VLDLR: variants seen among roughly 807,000 people sequenced by gnomAD.
VLDLR encodes the protein very low density lipoprotein receptor, also known as very low-density lipoprotein receptor.
A neutral mutation model predicts 112.7 loss-of-function variants in VLDLR; 81 were observed. The observed-to-expected ratio is 0.72, with a 90% CI of 0.60 to 0.86. VLDLR has a LOEUF of 0.86. Among genes scored for constraint, VLDLR ranks in the 40% least tolerant of loss-of-function variants. VLDLR has a pLI of 0.00. For synonymous variants in VLDLR, 436 were observed against 384.8 expected, an observed-to-expected ratio of 1.13 and a Z score of -1.56; for missense variants, 1,237 against 1,099.4, an observed-to-expected ratio of 1.13 and a Z score of -1.77.
At chr9:2,652,119 C>G (rs1818377562) in intron 17 of VLDLR, among the ~76,000 whole-genome samples, 165 bp downstream of exon 17, 1 of 152,166 alleles carries the variant, frequency 6.6e-6, no homozygotes, top group African/African-American at 2.4e-5. Context: ...AAATTAAGGC[C>G]CATATCTTTC....
intron 14 of VLDLR, among the ~76,000 whole-genome samples, chr9:2,649,196 C>G (rs1010178377): frequency 2.0e-4 from 30 of 152,234 alleles, no homozygotes; most frequent in African/African-American, 7.0e-4. Flanking sequence ...TCTTAAACAA[C>G]AGAAATTTAT....
chr9:2,632,732 G>A (rs1473211646), intron 1 of VLDLR, among the ~76,000 whole-genome samples: 2 of 152,038 alleles, frequency 1.3e-5, no homozygotes, highest in African/African-American at 4.8e-5. Flanking sequence ...CCAGTCAGGT[G>A]GCTAAGGGCT....
intron 1 of VLDLR, among the ~76,000 whole-genome samples, chr9:2,625,798 T>C (rs1022110432): frequency 1.3e-5 from 2 of 152,236 alleles, no homozygotes; most frequent in Non-Finnish European, 2.9e-5. Flanking sequence ...GGGCGAGATA[T>C]ACTTGTTAAG....
chr9:2,623,803 G>T (rs35731071), intron 1 of VLDLR, among the ~76,000 whole-genome samples: 123 of 152,270 alleles, frequency 8.1e-4, no homozygotes, highest in African/African-American at 2.8e-3. Context: ...TGAAGAGGAC[G>T]AATGTGTAGT....
chr9:2,639,987 T>G lies in VLDLR; in HGVS notation c.325+6T>G. On this transcript the variant is annotated splice_donor_region_variant and intron_variant, in intron 3 of 18. Transcript: ENST00000382100. ...TGAAAGCCCAGAACAGTGCCGTGAG[T>G]GTAACTTGCTTTGGCCTTGAACTTT... 6.2e-7 allele frequency: 1 copy of G among 1,614,160 alleles called. No homozygotes were observed. The highest frequency in any genetic ancestry group is 8.5e-7 in the Non-Finnish European group (1 of 1,180,018).
Position 2,643,882 on chromosome 9 carries a change from A to G in VLDLR, c.989A>G (p.Glu330Gly). The change falls in exon 7 of 19, where the codon GAA (glutamate) becomes GGA (glycine). Residue 330 changes from glutamate to glycine, a missense_variant. By Grantham distance (98) the Glu-to-Gly change is moderately conservative. Coordinates refer to ENST00000382100, the MANE Select transcript of VLDLR (RefSeq NM_003383.5). ...GGAAAATTCAAGTGCAGAAGTGGAG[A>G]ATGCATAGATATCAGCAAAGTATGT... is the stretch of plus-strand genomic sequence containing the variant. ...GPGKFKCRSG[E>G]CIDISKVCNQ... 2.5e-6 allele frequency: 4 copies of G among 1,614,146 alleles called. No individual in the cohort carries two copies. The highest frequency in any genetic ancestry group is 3.4e-6 in the Non-Finnish European group (4 of 1,180,038).
chr9:2,630,006 C>G lies in VLDLR; in HGVS notation c.83-5447C>G, dbSNP rs1042104763. ...ACTGGGTTTCACCATGTTGACCAGG[C>G]TGGTCTTGAACCCCTGACCTCAGGT... On this transcript the variant is annotated intron_variant, in intron 1 of 18. Transcript: ENST00000382100. Among the ~76,000 whole-genome samples, 4 of 152,170 alleles carry G rather than the reference C, an allele frequency of 2.6e-5. No individual in the cohort carries two copies. The East Asian group carries it at 5.8e-4, about 22-fold the overall frequency.
chr9:2,640,058 C>T, intron 3 of VLDLR, 77 bp downstream of exon 3: 1 of 1,611,262 alleles, frequency 6.2e-7, no homozygotes, highest in South Asian at 1.1e-5. Flanking sequence ...GCTTAATCTC[C>T]TACTTGGTAT....
rs1818270806 is a variant in VLDLR at position 2,650,429 on chromosome 9, G to T, written c.2164G>T (p.Ala722Ser). The T allele has an allele frequency of 6.2e-7, 1 of 1,613,980 alleles. No homozygotes were observed. Among genetic ancestry groups the T allele is most frequent in the African/African-American group, 1.3e-5 (1 of 74,906 alleles). Reference protein sequence around the residue: ...NGGCEYLCLPAPQINDHSPKY... With the variant: ...NGGCEYLCLPSPQINDHSPKY... Reference sequence around the variant, plus strand: ...AGGATGTGAATACCTATGCCTGCCAGCACCACAGATTAATGATCACTCTCC... The same window carrying T: ...AGGATGTGAATACCTATGCCTGCCATCACCACAGATTAATGATCACTCTCC... The change falls in exon 15 of 19, where the codon GCA (alanine) becomes TCA (serine). Residue 722 changes from alanine (A) to serine (S), a missense_variant. Ala to Ser is a moderately conservative substitution (Grantham distance 99). Transcript: ENST00000382100.
At chr9:2,637,139 A>G (rs1236838642) in intron 2 of VLDLR, among the ~76,000 whole-genome samples, 1 of 152,216 alleles carries the variant, frequency 6.6e-6, no homozygotes, top group East Asian at 1.9e-4. Flanking sequence ...GACAGTAGAG[A>G]AAGAAAGTAG....
At position 2,621,831 on chromosome 9, in the gene VLDLR, C is replaced by G; in HGVS notation, c.-359C>G. On this transcript the variant is annotated 5_prime_UTR_variant, in exon 1 of 19. Transcript: ENST00000382100. ...GCCGGTGCGGGTGCTCCGCTACCGG[C>G]TCCTCTCCGTTCTGTGCTCTCTTCT... 1.9e-6 allele frequency: 1 copy of G among 518,114 alleles called. No homozygotes were observed. The highest frequency in any genetic ancestry group is 2.3e-5 in the Admixed American group (1 of 42,932). The allele number at this position is 518,114 out of a possible 1,614,324, so 32.1% of individuals were successfully genotyped here. A position where few individuals can be genotyped will look rare whatever the true frequency, so the allele number is the denominator to read the frequency against.
chr9:2,627,021 A>G (rs1482711851), intron 1 of VLDLR, among the ~76,000 whole-genome samples: 2 of 152,148 alleles, frequency 1.3e-5, no homozygotes, highest in African/African-American at 4.8e-5. Flanking sequence ...TCTACTGAGT[A>G]CCTACCATAT....
chr9:2,636,297 G>A (rs1006625099), intron 2 of VLDLR, among the ~76,000 whole-genome samples: 1 of 152,168 alleles, frequency 6.6e-6, no homozygotes, highest in East Asian at 1.9e-4. Context: ...GTTCAGGGTT[G>A]TAAACATTCT....
chr9:2,652,637 A>T, intron 17 of VLDLR, 143 bp from the exon 18 acceptor site: 3 of 1,146,446 alleles, frequency 2.6e-6, no homozygotes, highest in East Asian at 2.6e-5. Context: ...GCCCATGTGT[A>T]TTCCAACTTC....
intron 2 of VLDLR, among the ~76,000 whole-genome samples, chr9:2,637,155 T>C (rs1214150454): frequency 1.3e-5 from 2 of 152,188 alleles, no homozygotes; most frequent in African/African-American, 2.4e-5. Flanking sequence ...AGTAGAAATA[T>C]TACAATCAGG....
At chr9:2,633,051 A>AGAGAGAGAGAGAGAGTGTGTGTGTGTGT (rs1460780869) in intron 1 of VLDLR, among the ~76,000 whole-genome samples, 3 of 115,402 alleles carry the variant, frequency 2.6e-5, no homozygotes, top group African/African-American at 1.0e-4. Context: ...AGAGAGAGAG[A>AGAGAGAGAGAGAGAGTGTGTGTGTGTGT]GTGTGTGTGT....
chr9:2,643,383 G>A lies in VLDLR; in HGVS notation c.672G>A (p.Glu224=), dbSNP rs762512932. The change falls in exon 5 of 19, where the codon GAG becomes GAA. Residue 224 remains glutamate, a synonymous_variant. Coordinates refer to ENST00000382100, the MANE Select transcript of VLDLR (RefSeq NM_003383.5). ...DDADCSDQSD[E]SLEQCGRQPV... is the part of the protein sequence containing the mutation. ...CAGACTGCTCCGACCAATCTGATGA[G>A]TCCCTGGAGCAGTGTGGCCGTCAGC... 3.1e-6 allele frequency: 5 copies of A among 1,614,178 alleles called. No individual in the cohort carries two copies. In the Admixed American group the frequency reaches 8.3e-5, roughly 27 times the overall value.
intron 1 of VLDLR, among the ~76,000 whole-genome samples, chr9:2,628,597 T>C (rs553498703): frequency 8.5e-5 from 13 of 152,274 alleles, no homozygotes; most frequent in African/African-American, 2.9e-4. Context: ...GGGTAGAGAA[T>C]GTGGCAGCCT....
intron 11 of VLDLR, among the ~76,000 whole-genome samples, 197 bp downstream of exon 11, chr9:2,646,749 T>A (rs1454122928): frequency 6.6e-6 from 1 of 152,256 alleles, no homozygotes; most frequent in Admixed American, 6.5e-5. Flanking sequence ...CAGGTCCTCC[T>A]GTCTGACTCT....
Sources: allele counts gnomAD v4.1 joint callset (sites outside exome capture counted in the v4.1 genomes callset), GRCh38; gene constraint gnomAD v4.1.1; transcripts MANE v1.5; gene names NCBI Gene and HGNC (gene_info 2026-07-23, HGNC 2026-07-21).